Variants in CLMP observed in about 807,000 individuals in gnomAD.
The protein encoded by CLMP is CXADR like cell adhesion molecule.
A neutral mutation model predicts 45.2 loss-of-function variants in CLMP; 27 were observed. The observed-to-expected ratio is 0.60, with a 90% CI of 0.44 to 0.82. CLMP has a LOEUF of 0.82. Ranked by LOEUF, CLMP falls within the 40% of genes least tolerant of loss-of-function variation. The pLI, the probability that CLMP is intolerant of heterozygous loss-of-function variation, is 0.00. For synonymous variants in CLMP, 167 were observed against 171.4 expected, an observed-to-expected ratio of 0.97 and a Z score of 0.20; for missense variants, 403 against 448.4, an observed-to-expected ratio of 0.90 and a Z score of 0.91.
At chr11:123,136,438 T>TCC (rs35816690) in intron 1 of CLMP, 3 of 363,568 alleles carry the variant, frequency 8.3e-6, no homozygotes, top group Admixed American at 4.4e-5. Context: ...GCCCTCCTTG[T>TCC]CCCCCCCCAC....
chr11:123,117,005 T>C (rs1476267335), intron 1 of CLMP, among the ~76,000 whole-genome samples: 1 of 152,074 alleles, frequency 6.6e-6, no homozygotes, highest in South Asian at 2.1e-4. Flanking sequence ...TCCCAGCACT[T>C]TGGGAGGCCA....
intron 1 of CLMP, among the ~76,000 whole-genome samples, chr11:123,137,147 CTTT>C (rs375816483): frequency 3.1e-3 from 256 of 82,438 alleles, no homozygotes; most frequent in African/African-American, 0.011. Context: ...TTTTCTTTTT[CTTT>C]TTTTTTTTTT....
intron 1 of CLMP, among the ~76,000 whole-genome samples, chr11:123,153,846 C>CTT (rs60591379): frequency 5.1e-4 from 63 of 123,904 alleles, no homozygotes; most frequent in Middle Eastern, 8.6e-3. Context: ...CCATGCCTCA[C>CTT]TTTTTTTTTT....
Position 123,073,316 on chromosome 11 carries a change from A to G in CLMP, c.*158T>C. On this transcript the variant is annotated 3_prime_UTR_variant, in exon 7 of 7. Transcript: ENST00000448775. ...CATCCTTTTGCTTGTTTGGTATTGT[A>G]TAAGGAAAATGCTCATCTGAATCTG... is the stretch of plus-strand genomic sequence containing the variant. 4 of 802,268 alleles carry G rather than the reference A, an allele frequency of 5.0e-6. No individual in the cohort carries two copies. Among genetic ancestry groups the G allele is most frequent in the Non-Finnish European group, 7.9e-6 (4 of 508,816 alleles). The allele number at this position is 802,268 out of a possible 1,614,324, so 49.7% of individuals were successfully genotyped here.
At chr11:123,114,364 C>A (rs1378855716) in intron 1 of CLMP, among the ~76,000 whole-genome samples, 3 of 152,128 alleles carry the variant, frequency 2.0e-5, no homozygotes, top group Non-Finnish European at 2.9e-5. Context: ...CTCTCATTCA[C>A]TCTCCCTAAG....
At chr11:123,128,688 A>G (rs1264614355) in intron 1 of CLMP, among the ~76,000 whole-genome samples, 3 of 152,196 alleles carry the variant, frequency 2.0e-5, no homozygotes, top group African/African-American at 7.2e-5. Context: ...TGCAAGTTAA[A>G]AAGTGAAAAA....
At position 123,130,540 on chromosome 11, in the gene CLMP, C is replaced by G. The variant is rs114630844; in HGVS notation, c.29-32588G>C. On this transcript the variant is annotated intron_variant, in intron 1 of 6. Coordinates refer to ENST00000448775, the MANE Select transcript of CLMP (RefSeq NM_024769.5). ...TTTAACACCCTTCCTTTGACACAAG[C>G]TGATGGCCCCTAAGTGATGTCCTCG... is the stretch of plus-strand genomic sequence containing the variant. Among the ~76,000 whole-genome samples the G allele has an allele frequency of 4.5e-3, 688 of 152,238 alleles. 3 individuals carry two copies. Among genetic ancestry groups the G allele is most frequent in the African/African-American group, 0.016 (648 of 41,542 alleles).
chr11:123,155,001 T>A (rs1180585869), intron 1 of CLMP, among the ~76,000 whole-genome samples: 4 of 152,164 alleles, frequency 2.6e-5, no homozygotes, highest in Non-Finnish European at 5.9e-5. Flanking sequence ...AATCGCTTTG[T>A]TTTTTGAGAC....
chr11:123,178,814 C>T (rs1172863624), intron 1 of CLMP, among the ~76,000 whole-genome samples: 1 of 152,120 alleles, frequency 6.6e-6, no homozygotes, highest in Non-Finnish European at 1.5e-5. Context: ...TATCTTTGGG[C>T]AAGTCATTTA....
At chr11:123,155,329 G>A (rs1024036223) in intron 1 of CLMP, among the ~76,000 whole-genome samples, 5 of 152,166 alleles carry the variant, frequency 3.3e-5, no homozygotes, top group African/African-American at 1.2e-4. Context: ...TAGAATTCTT[G>A]ACTTGTATTA....
At chr11:123,076,301 C>G (rs756867230) in intron 5 of CLMP, among the ~76,000 whole-genome samples, 4 of 152,066 alleles carry the variant, frequency 2.6e-5, no homozygotes, top group Admixed American at 6.6e-5. Flanking sequence ...AGCAATACAC[C>G]CTTTTTCATA....
intron 1 of CLMP, among the ~76,000 whole-genome samples, chr11:123,157,415 G>A (rs753316306): frequency 4.6e-5 from 7 of 152,168 alleles, no homozygotes; most frequent in Non-Finnish European, 7.3e-5. Context: ...TTACCCCGGC[G>A]TGGTGGCACA....
chr11:123,161,131 C>A (rs1458034609), intron 1 of CLMP, among the ~76,000 whole-genome samples: 1 of 152,136 alleles, frequency 6.6e-6, no homozygotes, highest in Non-Finnish European at 1.5e-5. Context: ...AGGTATGTAC[C>A]AGGTGCCTAC....
chr11:123,075,489 C>T (rs952770877), intron 5 of CLMP, among the ~76,000 whole-genome samples: 2 of 151,448 alleles, frequency 1.3e-5, no homozygotes, highest in Admixed American at 6.6e-5. Flanking sequence ...CGGATTCACG[C>T]CATTCTCCTG....
chr11:123,158,070 C>T (rs1190571651), intron 1 of CLMP, among the ~76,000 whole-genome samples: 1 of 152,154 alleles, frequency 6.6e-6, no homozygotes, highest in African/African-American at 2.4e-5. Flanking sequence ...CCGAAAAGTA[C>T]TCTGTACTGC....
chr11:123,157,985 C>T (rs1861438098), intron 1 of CLMP, among the ~76,000 whole-genome samples: 1 of 152,094 alleles, frequency 6.6e-6, no homozygotes. Context: ...TTTCCTGCTG[C>T]TTCCAACCCA....
chr11:123,193,492 G>T (rs1861935776), intron 1 of CLMP, among the ~76,000 whole-genome samples: 1 of 152,228 alleles, frequency 6.6e-6, no homozygotes, highest in East Asian at 1.9e-4. Context: ...GATGTGCACA[G>T]GAACAGTATT....
rs1259054295 is a variant in CLMP at position 123,166,343 on chromosome 11, G to A, written c.28+28570C>T. Among the ~76,000 whole-genome samples, 7 of 152,210 alleles carry A rather than the reference G, an allele frequency of 4.6e-5. No individual in the cohort carries two copies. In the East Asian group the frequency reaches 1.3e-3, roughly 29 times the overall value. On this transcript the variant is annotated intron_variant, in intron 1 of 6. Transcript: ENST00000448775. ...TCTTCAGAGAGATTGACTATAAATG[G>A]TCATGGGGGAAGCAGTCAGAATGCC... is the stretch of plus-strand genomic sequence containing the variant.
intron 1 of CLMP, among the ~76,000 whole-genome samples, chr11:123,098,420 G>A (rs779725589): frequency 1.3e-5 from 2 of 151,970 alleles, no homozygotes; most frequent in Non-Finnish European, 1.5e-5. Context: ...TAGAGACAGG[G>A]TTTCACCATG....
Sources: allele counts gnomAD v4.1 joint callset (sites outside exome capture counted in the v4.1 genomes callset), GRCh38; gene constraint gnomAD v4.1.1; transcripts MANE v1.5; gene names NCBI Gene and HGNC (gene_info 2026-07-23, HGNC 2026-07-21).